The following FBXO31 variants were observed in gnomAD, a reference collection of about 807,000 sequenced individuals.
FBXO31 encodes the protein F-box only protein 31.
A neutral mutation model predicts 54.4 loss-of-function variants in FBXO31; 24 were observed. The ratio of observed to expected loss-of-function variants is 0.44; its 90% CI spans 0.32 to 0.62. FBXO31 has a LOEUF of 0.62. Among genes scored for constraint, FBXO31 ranks in the 20% least tolerant of loss-of-function variants. FBXO31 has a pLI of 0.05. For missense variants in FBXO31, 665 were observed against 787.1 expected (o/e 0.84, Z 1.86); for synonymous variants, 388 against 335.6 (o/e 1.16, Z -1.71).
Position 87,383,375 on chromosome 16 carries a change from CT to C in FBXO31, c.340+29del. 72 of 1,498,092 alleles carry C rather than the reference CT, an allele frequency of 4.8e-5. No individual in the cohort carries two copies. Among genetic ancestry groups the C allele is most frequent in the Non-Finnish European group, 5.6e-5 (62 of 1,115,060 alleles). The allele number at this position is 1,498,092 out of a possible 1,614,324, so 92.8% of individuals were successfully genotyped here. A position where few individuals can be genotyped will look rare whatever the true frequency, so the allele number is the denominator to read the frequency against. Reference sequence around the variant, plus strand: ...TCCACCTGGCAGGGACCCCCCGCCCCTCCCGGCCCCGCCACCCCCGCGCGCT... The same window carrying C: ...TCCACCTGGCAGGGACCCCCCGCCCCCCCGGCCCCGCCACCCCCGCGCGCT... On this transcript the variant is annotated intron_variant, in intron 1 of 8. Coordinates refer to ENST00000311635, the MANE Select transcript of FBXO31 (RefSeq NM_024735.5). The surrounding 1 kb of genome is among the most constrained non-coding windows in gnomAD (Gnocchi z 4.9).
rs1273457930 is a variant in FBXO31, at chr16:87,338,093, T to G, written c.733-1829A>C. Among the ~76,000 whole-genome samples, 3 of 152,102 alleles carry G rather than the reference T, an allele frequency of 2.0e-5. No homozygotes were observed. Among genetic ancestry groups the G allele is most frequent in the African/African-American group, 7.2e-5 (3 of 41,416 alleles). On this transcript the variant is annotated intron_variant, in intron 5 of 8. Coordinates refer to ENST00000311635, the MANE Select transcript of FBXO31 (RefSeq NM_024735.5). The surrounding 1 kb of genome is among the most constrained non-coding windows in gnomAD (Gnocchi z 4.3). ...CTTCAACTTGACACCATCAGGAAGA[T>G]GAGCATGTGTAGCCATGACCTCGCT...
chr16:87,334,348 G>T, intron 7 of FBXO31, 62 bp from the exon 8 acceptor site: 4 of 1,466,164 alleles, frequency 2.7e-6, no homozygotes, highest in Non-Finnish European at 2.8e-6. Flanking sequence ...CCACTGTGTG[G>T]GCTCCAGCCC....
In FBXO31 at chr16:87,338,470, G is replaced by GGT. The variant is rs1905097753; in HGVS notation, c.733-2207_733-2206insAC. Among the ~76,000 whole-genome samples, 1 of 149,304 alleles carries GGT rather than the reference G, an allele frequency of 6.7e-6. No homozygotes were observed. The highest frequency in any genetic ancestry group is 1.5e-5 in the Non-Finnish European group (1 of 67,240). ...CCAAAAGCCTCAGTCTTGGGGCGGG[G>GGT]GAGGCGGGCCTGAAACACACAGGGG... On this transcript the variant is annotated intron_variant, in intron 5 of 8. Coordinates refer to ENST00000311635, the MANE Select transcript of FBXO31 (RefSeq NM_024735.5). This position sits in a 1 kb window ranked among gnomAD's most constrained non-coding sequence, Gnocchi z 4.3.
rs1906107800 is a variant in FBXO31 at position 87,360,978 on chromosome 16, C to T, written c.341-612G>A. ...CTGACAGCACCTTCCTCTTTGTCCC[C>T]TACTCCCACCCCACCACAGCTGCAC... On this transcript the variant is annotated intron_variant, in intron 1 of 8. Transcript: ENST00000311635. Among the ~76,000 whole-genome samples, 2 of 152,200 alleles carry T rather than the reference C, an allele frequency of 1.3e-5. 1 individual carries two copies. The highest frequency in any genetic ancestry group is 4.1e-4 in the South Asian group (2 of 4,828).
At chr16:87,353,056 T>C (rs993598874) in intron 2 of FBXO31, among the ~76,000 whole-genome samples, 3 of 152,204 alleles carry the variant, frequency 2.0e-5, no homozygotes, top group Non-Finnish European at 2.9e-5. Flanking sequence ...ACGGAAGAAA[T>C]TGGATTAACA....
At position 87,383,326 on chromosome 16, in the gene FBXO31, C is replaced by A; in HGVS notation, c.340+79G>T. On this transcript the variant is annotated intron_variant, in intron 1 of 8. Transcript: ENST00000311635. The surrounding 1 kb of genome is among the most constrained non-coding windows in gnomAD (Gnocchi z 4.9). ...GTGGCCCCCGGCCGGGGCCACCGCCCCCGCCACTCCCAGCTCCGAGGCCTC... is the reference window on the plus strand; with the variant it reads ...GTGGCCCCCGGCCGGGGCCACCGCCACCGCCACTCCCAGCTCCGAGGCCTC... The A allele has an allele frequency of 7.7e-7, 1 of 1,305,532 alleles. No individual in the cohort carries two copies. Among genetic ancestry groups the A allele is most frequent in the South Asian group, 1.5e-5 (1 of 66,704 alleles). The allele number at this position is 1,305,532 out of a possible 1,614,324, so 80.9% of individuals were successfully genotyped here.
At position 87,358,191 on chromosome 16, in the gene FBXO31, T is replaced by A. The variant is rs1027295853; in HGVS notation, c.412+2104A>T. On this transcript the variant is annotated intron_variant, in intron 2 of 8. Transcript: ENST00000311635. This position sits in a 1 kb window ranked among gnomAD's most constrained non-coding sequence, Gnocchi z 4.0. ...GTACCCAGAAACCACTGCAGAAAGG[T>A]AAGCCAAATGCAGCCTGGGTCCAAC... 1.3e-5 allele frequency among the ~76,000 whole-genome samples: 2 copies of A among 152,132 alleles called. No individual in the cohort carries two copies. Among genetic ancestry groups the A allele is most frequent in the Non-Finnish European group, 2.9e-5 (2 of 68,028 alleles).
Position 87,335,173 on chromosome 16 carries a change from G to A in FBXO31, c.996+131C>T, listed in dbSNP as rs1334618233. 7.6e-7 allele frequency: 1 copy of A among 1,307,374 alleles called. No homozygotes were observed. Among genetic ancestry groups the A allele is most frequent in the South Asian group, 1.3e-5 (1 of 79,764 alleles). The allele number at this position is 1,307,374 out of a possible 1,614,324, so 81.0% of individuals were successfully genotyped here. ...AGAATCTGCTTTCCCAAGCTCCCGG[G>A]GCTGCAGGTGCAAGCCCACTCTGAG... is the stretch of plus-strand genomic sequence containing the variant. On this transcript the variant is annotated intron_variant, in intron 7 of 8. Coordinates refer to ENST00000311635, the MANE Select transcript of FBXO31 (RefSeq NM_024735.5). This position sits in a 1 kb window ranked among gnomAD's most constrained non-coding sequence, Gnocchi z 5.7.
rs930400282 is a variant in FBXO31 at position 87,331,571 on chromosome 16, G to A, written c.1398-61C>T. On this transcript the variant is annotated intron_variant, in intron 8 of 8. Transcript: ENST00000311635. ...GAGGGCTGAGTCAAATGCACGCCAC[G>A]TACAGCATTCTGCGACCCCGCTCTG... 18 of 1,384,638 alleles carry A rather than the reference G, an allele frequency of 1.3e-5. No individual in the cohort carries two copies. The African/African-American group carries it at 1.4e-4, about 11-fold the overall frequency. 85.8% of individuals were successfully genotyped at this position (1,384,638 alleles called of 1,614,324 possible). A position where few individuals can be genotyped will look rare whatever the true frequency, so the allele number is the denominator to read the frequency against.
intron 1 of FBXO31, among the ~76,000 whole-genome samples, chr16:87,364,550 C>T (rs1223043285): frequency 2.0e-5 from 3 of 152,144 alleles, no homozygotes; most frequent in Non-Finnish European, 2.9e-5. Context: ...ACTAACTATT[C>T]AGGTTGAACC....
chr16:87,342,574 C>T (rs891515929), intron 5 of FBXO31, among the ~76,000 whole-genome samples: 3 of 152,216 alleles, frequency 2.0e-5, no homozygotes, highest in Non-Finnish European at 4.4e-5. Flanking sequence ...AGCAGCCTCC[C>T]AGCAACCCCT....
chr16:87,331,577 C>G lies in FBXO31; in HGVS notation c.1398-67G>C. 3.1e-6 allele frequency: 4 copies of G among 1,308,714 alleles called. No homozygotes were observed. The South Asian group carries it at 5.4e-5, about 18-fold the overall frequency. The allele number at this position is 1,308,714 out of a possible 1,614,324, so 81.1% of individuals were successfully genotyped here. ...TGAGTCAAATGCACGCCACGTACAG[C>G]ATTCTGCGACCCCGCTCTGTGCCGC... On this transcript the variant is annotated intron_variant, in intron 8 of 8. Coordinates refer to ENST00000311635, the MANE Select transcript of FBXO31 (RefSeq NM_024735.5).
At chr16:87,348,159 C>T (rs1028237673) in intron 2 of FBXO31, among the ~76,000 whole-genome samples, 1 of 152,174 alleles carries the variant, frequency 6.6e-6, no homozygotes, top group Non-Finnish European at 1.5e-5. Context: ...CTGCCTCTCT[C>T]CACGACTCCC....
chr16:87,383,727 G>C lies in FBXO31; in HGVS notation c.18C>G (p.Arg6=). 4.9e-6 allele frequency: 6 copies of C among 1,233,448 alleles called. No individual in the cohort carries two copies. The highest frequency in any genetic ancestry group is 6.0e-6 in the Non-Finnish European group (6 of 992,188). 76.4% of individuals were successfully genotyped at this position (1,233,448 alleles called of 1,614,324 possible). A position where few individuals can be genotyped will look rare whatever the true frequency, so the allele number is the denominator to read the frequency against. The change falls in exon 1 of 9, where the codon CGC becomes CGG. Residue 6 remains arginine (R), a synonymous_variant. Coordinates refer to ENST00000311635, the MANE Select transcript of FBXO31 (RefSeq NM_024735.5). The surrounding 1 kb of genome is among the most constrained non-coding windows in gnomAD (Gnocchi z 4.9). The stretch of plus-strand genomic sequence containing the variant: ...CGCGCGACGGGCCCACGCCGCAAAG[G>C]CGAGCACACACCGCCATGCCGCCCA... MAVCA[R]LCGVGPSRGC...
At chr16:87,334,820 A>T (rs1444132861) in intron 7 of FBXO31, among the ~76,000 whole-genome samples, 2 of 152,172 alleles carry the variant, frequency 1.3e-5, no homozygotes, top group Non-Finnish European at 2.9e-5. Flanking sequence ...GCATGGGACA[A>T]TGAGCCCCTG....
At chr16:87,364,724 T>C (rs1224134531) in intron 1 of FBXO31, among the ~76,000 whole-genome samples, 40 of 151,952 alleles carry the variant, frequency 2.6e-4, no homozygotes. Context: ...TTAGTTTCAC[T>C]TTGCAGATTA....
chr16:87,386,193 G>C (rs373757716), upstream of FBXO31: 19 of 152,252 alleles, frequency 1.2e-4, no homozygotes, highest in African/African-American at 4.6e-4. Flanking sequence ...TCCAGGGTGT[G>C]GTCTGAGCAG....
chr16:87,376,968 T>A (rs574936504), intron 1 of FBXO31, among the ~76,000 whole-genome samples: 50 of 152,290 alleles, frequency 3.3e-4, no homozygotes, highest in African/African-American at 1.2e-3. Flanking sequence ...ACTAACAAAG[T>A]AAGACACCTG....
At position 87,334,240 on chromosome 16, in the gene FBXO31, A is replaced by G; in HGVS notation, c.1043T>C (p.Leu348Pro). 6.2e-7 allele frequency: 1 copy of G among 1,608,712 alleles called. No homozygotes were observed. Among genetic ancestry groups the G allele is most frequent in the Non-Finnish European group, 8.5e-7 (1 of 1,177,534 alleles). ...GTCGGGCAGCTGGATCCGATGCCTC[A>G]GGTCGATCTCCACTGTCTGCTGCCC... Reference protein sequence around the residue: ...PAGQQTVEIDLRHRIQLPDLE... With the variant: ...PAGQQTVEIDPRHRIQLPDLE... The change falls in exon 8 of 9, where the codon CTG becomes CCG. Residue 348 changes from leucine (L) to proline (P), a missense_variant. Around this residue, in one of 4 missense-constraint regions of FBXO31, gnomAD observed 234 missense variants for 346.8 expected, o/e 0.67. Transcript: ENST00000311635.
Sources: gnomAD v4.1 joint callset for allele counts (sites outside exome capture counted in the v4.1 genomes callset) on GRCh38, gnomAD v4.1.1 for gene constraint, gnomAD v4.1.1 regional missense constraint, Gnocchi (gnomAD v3.1) non-coding constraint, MANE v1.5 for transcripts, NCBI Gene and HGNC (gene_info 2026-07-23, HGNC 2026-07-21) for gene names.